The following LIN7C variants were observed in gnomAD, a reference collection of about 807,000 sequenced individuals.
LIN7C encodes protein lin-7 homolog C.
A neutral mutation model predicts 24.7 loss-of-function variants in LIN7C; 17 were observed. The observed-to-expected ratio is 0.69, with a 90% confidence interval of 0.47 to 1.03. LIN7C has a LOEUF of 1.03. Ranked by LOEUF, LIN7C falls within the 50% of genes least tolerant of loss-of-function variation. The pLI, the probability that LIN7C is intolerant of heterozygous loss-of-function variation, is 0.00. For synonymous variants in LIN7C, 90 were observed against 83.4 expected (o/e 1.08, Z -0.43); for missense variants, 204 against 239.0 (o/e 0.85, Z 0.97).
intron 2 of LIN7C, 47 bp downstream of exon 2, chr11:27,501,755 G>T: frequency 1.6e-6 from 2 of 1,213,584 alleles, no homozygotes; most frequent in South Asian, 1.3e-5. Flanking sequence ...AGTATTATCT[G>T]ACCTAATTAA....
rs1140711 is a variant in LIN7C at position 27,495,862 on chromosome 11, T to C, written c.*2787A>G. 0.47 allele frequency: 70,720 copies of C among 151,842 alleles called. 17,801 individuals carry two copies. Among genetic ancestry groups the C allele is most frequent in the Non-Finnish European group, 0.56 (38,043 of 67,926 alleles). The allele number at this position is 151,842 out of a possible 1,614,324, so 9.4% of individuals were successfully genotyped here. A position where few individuals can be genotyped will look rare whatever the true frequency, so the allele number is the denominator to read the frequency against. ...GTGCAGTGGCTCACGCCTATAATCC[T>C]AATGCTTTGGGAGGCTGAGGTGGAA... On this transcript the variant is annotated 3_prime_UTR_variant, in exon 5 of 5. Transcript: ENST00000278193.
chr11:27,505,072 C>T lies in LIN7C; in HGVS notation c.37+1644G>A, dbSNP rs528651462. Among the ~76,000 whole-genome samples the T allele has an allele frequency of 5.0e-4, 76 of 152,342 alleles. 4 individuals are homozygous for T. In the South Asian group the frequency reaches 0.016, roughly 31 times the overall value. Reference sequence around the variant, plus strand: ...GACCGGCCGGGTGCAGTGGCTCACGCCTGTAATCCTAGCACTTTGGGAAGC... The same window carrying T: ...GACCGGCCGGGTGCAGTGGCTCACGTCTGTAATCCTAGCACTTTGGGAAGC... On this transcript the variant is annotated intron_variant, in intron 1 of 4. Coordinates refer to ENST00000278193, the MANE Select transcript of LIN7C (RefSeq NM_018362.4).
chr11:27,503,810 C>A (rs1175000870), intron 1 of LIN7C, among the ~76,000 whole-genome samples: 1 of 149,718 alleles, frequency 6.7e-6, no homozygotes, highest in Admixed American at 6.7e-5. Context: ...TCACACCTGG[C>A]AGAAAGATTA....
intron 1 of LIN7C, among the ~76,000 whole-genome samples, chr11:27,504,869 T>C (rs1282623385): frequency 1.3e-5 from 2 of 152,160 alleles, no homozygotes; most frequent in Non-Finnish European, 2.9e-5. Context: ...CAATCTGCAG[T>C]TGGTTGAAAT....
In LIN7C at chr11:27,500,204, G is replaced by T. The variant is rs561334763; in HGVS notation, c.229-636C>A. On this transcript the variant is annotated intron_variant, in intron 3 of 4. Transcript: ENST00000278193. ...AGACTGATATTGTACATGGTAAGGA[G>T]GAAAACCCCTTCCCCAGCATGCTAG... 7.9e-5 allele frequency among the ~76,000 whole-genome samples: 12 copies of T among 152,188 alleles called. 2 individuals carry two copies. The South Asian group carries it at 2.3e-3, about 29-fold the overall frequency.
intron 1 of LIN7C, 82 bp from the exon 2 acceptor site, chr11:27,502,002 T>A: frequency 1.2e-6 from 1 of 804,242 alleles, no homozygotes; most frequent in Non-Finnish European, 2.1e-6. Flanking sequence ...TAGGATTCAT[T>A]CCTCAAGGGC....
intron 1 of LIN7C, among the ~76,000 whole-genome samples, chr11:27,502,603 T>C (rs1358085621): frequency 6.6e-6 from 1 of 152,118 alleles, no homozygotes; most frequent in Non-Finnish European, 1.5e-5. Context: ...ACAATTAGCT[T>C]TATCAATCTG....
chr11:27,494,630 A>C lies in LIN7C; in HGVS notation c.*4019T>G, dbSNP rs564964477. The C allele has an allele frequency of 1.4e-4, 21 of 152,364 alleles. No homozygotes were observed. The highest frequency in any genetic ancestry group is 4.1e-4 in the African/African-American group (17 of 41,586). The allele number at this position is 152,364 out of a possible 1,614,324, so 9.4% of individuals were successfully genotyped here. ...CTTAAAATCAGAATTAAATTGATAA[A>C]TGAAGTAATCTATTGAAAAATGTTA... On this transcript the variant is annotated 3_prime_UTR_variant, in exon 5 of 5. Coordinates refer to ENST00000278193, the MANE Select transcript of LIN7C (RefSeq NM_018362.4).
rs1307493914 is a variant in LIN7C at position 27,494,703 on chromosome 11, T to C, written c.*3946A>G. 1 of 152,192 alleles carries C rather than the reference T, an allele frequency of 6.6e-6. No individual in the cohort carries two copies. The highest frequency in any genetic ancestry group is 2.4e-5 in the African/African-American group (1 of 41,468). 9.4% of individuals were successfully genotyped at this position (152,192 alleles called of 1,614,324 possible). On this transcript the variant is annotated 3_prime_UTR_variant, in exon 5 of 5. Transcript: ENST00000278193. Reference sequence around the variant, plus strand: ...ACCACAAATTTTAAAAGTAGAAGCATAGCATTTGCCAGTTATTTTAAAAAA... The same window carrying C: ...ACCACAAATTTTAAAAGTAGAAGCACAGCATTTGCCAGTTATTTTAAAAAA...
chr11:27,501,751 A>T, intron 2 of LIN7C, 51 bp downstream of exon 2: 1 of 1,172,412 alleles, frequency 8.5e-7, no homozygotes, highest in Non-Finnish European at 1.3e-6. Flanking sequence ...TTAGAGTATT[A>T]TCTGACCTAA....
In LIN7C at chr11:27,495,985, A is replaced by G. The variant is rs1457747046; in HGVS notation, c.*2664T>C. The G allele has an allele frequency of 1.5e-5, 2 of 133,868 alleles. No homozygotes were observed. The highest frequency in any genetic ancestry group is 3.4e-5 in the Non-Finnish European group (2 of 58,250). 8.3% of individuals were successfully genotyped at this position (133,868 alleles called of 1,614,324 possible). A position where few individuals can be genotyped will look rare whatever the true frequency, so the allele number is the denominator to read the frequency against. ...CTGTCTCTTTTAAAACAAAAAACAA[A>G]CAAACCAAAAAAAAAACAAAAAAAA... On this transcript the variant is annotated 3_prime_UTR_variant, in exon 5 of 5. Transcript: ENST00000278193.
Position 27,497,056 on chromosome 11 carries a change from A to G in LIN7C, c.*1593T>C, listed in dbSNP as rs570727480. On this transcript the variant is annotated 3_prime_UTR_variant, in exon 5 of 5. Coordinates refer to ENST00000278193, the MANE Select transcript of LIN7C (RefSeq NM_018362.4). ...AATTTAACAACATGATCCTATCAAT[A>G]ACAAGCACATTTTGTAGTGGATTAA... 3.3e-5 allele frequency: 5 copies of G among 152,718 alleles called. No individual in the cohort carries two copies. The East Asian group carries it at 9.6e-4, about 29-fold the overall frequency. The allele number at this position is 152,718 out of a possible 1,614,324, so 9.5% of individuals were successfully genotyped here.
chr11:27,506,369 G>A (rs900690569), intron 1 of LIN7C, among the ~76,000 whole-genome samples: 9 of 152,172 alleles, frequency 5.9e-5, no homozygotes, highest in African/African-American at 1.9e-4. Flanking sequence ...GTGCGAACCG[G>A]GTGTGTGACG....
rs1299737676 is a variant in LIN7C at position 27,506,617 on chromosome 11, G to A, written c.37+99C>T. 4.4e-6 allele frequency: 6 copies of A among 1,375,154 alleles called. No homozygotes were observed. The East Asian group carries it at 6.9e-5, about 16-fold the overall frequency. The allele number at this position is 1,375,154 out of a possible 1,614,324, so 85.2% of individuals were successfully genotyped here. A position where few individuals can be genotyped will look rare whatever the true frequency, so the allele number is the denominator to read the frequency against. On this transcript the variant is annotated intron_variant, in intron 1 of 4. Coordinates refer to ENST00000278193, the MANE Select transcript of LIN7C (RefSeq NM_018362.4). The stretch of plus-strand genomic sequence containing the variant: ...TGGCGCCGGCACAAGGGACAGCGTG[G>A]CCCGGATCTCAGAGCCTGGGTCACT...
chr11:27,502,923 C>G (rs1865239520), intron 1 of LIN7C, among the ~76,000 whole-genome samples: 1 of 151,848 alleles, frequency 6.6e-6, no homozygotes, highest in African/African-American at 2.4e-5. Context: ...ACCAGCCTGG[C>G]CAACATGGTG....
chr11:27,502,352 G>C (rs1865234087), intron 1 of LIN7C, among the ~76,000 whole-genome samples: 1 of 152,036 alleles, frequency 6.6e-6, no homozygotes, highest in African/African-American at 2.4e-5. Context: ...CCAAAGCACT[G>C]AACAGTACAA....
intron 1 of LIN7C, 152 bp from the exon 2 acceptor site, chr11:27,502,072 G>A (rs2047359708): frequency 8.6e-6 from 5 of 580,178 alleles, no homozygotes; most frequent in African/African-American, 1.9e-5. Flanking sequence ...TTGGTGGGAA[G>A]GAGACTGTGT....
chr11:27,504,083 G>A (rs779985723), intron 1 of LIN7C, among the ~76,000 whole-genome samples: 1 of 152,174 alleles, frequency 6.6e-6, no homozygotes, highest in Non-Finnish European at 1.5e-5. Context: ...CTCCCAAAGT[G>A]CTGGGATTAC....
rs1865171792 is a variant in LIN7C, at chr11:27,496,493, T to TA, written c.*2155_*2156insT. On this transcript the variant is annotated 3_prime_UTR_variant, in exon 5 of 5. Transcript: ENST00000278193. ...ATTTTTCTATGGTCAAGATTTAAAA[T>TA]TCTGGGATACATTATGAAAACTGCA... The TA allele has an allele frequency of 6.6e-6, 1 of 152,204 alleles. No individual in the cohort carries two copies. Among genetic ancestry groups the TA allele is most frequent in the African/African-American group, 2.4e-5 (1 of 41,460 alleles). The allele number at this position is 152,204 out of a possible 1,614,324, so 9.4% of individuals were successfully genotyped here. A position where few individuals can be genotyped will look rare whatever the true frequency, so the allele number is the denominator to read the frequency against.
Sources: allele counts gnomAD v4.1 joint callset (sites outside exome capture counted in the v4.1 genomes callset), GRCh38; gene constraint gnomAD v4.1.1; transcripts MANE v1.5; gene names NCBI Gene and HGNC (gene_info 2026-07-23, HGNC 2026-07-21).